WNK2: variants seen among roughly 807,000 people sequenced by gnomAD.
WNK2 encodes the protein WNK lysine deficient protein kinase 2.
A neutral mutation model predicts 192.1 loss-of-function variants in WNK2; 67 were observed. The observed-to-expected ratio is 0.35, with a 90% CI of 0.29 to 0.43. The LOEUF is 0.43. WNK2 is among the 20% of genes least tolerant of loss of function. The pLI, the probability that WNK2 is intolerant of heterozygous loss-of-function variation, is 1.00. For synonymous variants in WNK2, 1,439 were observed against 1,393.9 expected, an observed-to-expected ratio of 1.03 and a Z score of -0.72; for missense variants, 2,698 against 3,089.7, an observed-to-expected ratio of 0.87 and a Z score of 3.01.
At chr9:93,309,231 G>A (rs1047063528) in intron 28 of WNK2, 2 of 655,696 alleles carry the variant, frequency 3.1e-6, no homozygotes, top group Non-Finnish European at 3.8e-6. Flanking sequence ...ATTTTTTAGC[G>A]TGGGATACTT....
At position 93,299,019 on chromosome 9, in the gene WNK2, C is replaced by G. The variant is rs1851113211; in HGVS notation, c.5924-51C>G. 5.1e-6 allele frequency: 8 copies of G among 1,556,954 alleles called. No individual in the cohort carries two copies. The East Asian group carries it at 1.9e-4, about 36-fold the overall frequency. On this transcript the variant is annotated intron_variant, in intron 24 of 29. Transcript: ENST00000427277. Reference sequence around the variant, plus strand: ...CAGAACAGACTCAATCCACACGGCCCCGACCCGGCGGCGCCTCATCGTGCC... The same window carrying G: ...CAGAACAGACTCAATCCACACGGCCGCGACCCGGCGGCGCCTCATCGTGCC...
intron 29 of WNK2, chr9:93,318,024 C>A (rs1855052358): frequency 6.2e-7 from 1 of 1,612,766 alleles, no homozygotes; most frequent in African/African-American, 1.3e-5. Flanking sequence ...CTGTTCGCTC[C>A]TAGGTTCCTG....
In WNK2 at chr9:93,293,042, C is replaced by G; in HGVS notation, c.5577C>G (p.Ser1859Arg). Reference sequence around the variant, plus strand: ...GCTCGCTGGGCCCCGAGACACCCAGCAGGGTGGGCATGAAGGTCCCCACGA... The same window carrying G: ...GCTCGCTGGGCCCCGAGACACCCAGGAGGGTGGGCATGAAGGTCCCCACGA... ...RAGSLGPETP[S>R]RVGMKVPTIS... is the part of the protein sequence containing the mutation. The change falls in exon 23 of 30, where the codon AGC (serine) becomes AGG (arginine). Residue 1859 changes from serine to arginine, a missense_variant. Ser to Arg is a moderately radical substitution (Grantham distance 110). Around this residue, in one of 7 missense-constraint regions of WNK2, gnomAD observed 1,098 missense variants for 1,101.0 expected, o/e 1.00. Coordinates refer to ENST00000427277, the MANE Select transcript of WNK2 (RefSeq NM_006648.4). 1 of 1,609,734 alleles carries G rather than the reference C, an allele frequency of 6.2e-7. No individual in the cohort carries two copies. The highest frequency in any genetic ancestry group is 8.5e-7 in the Non-Finnish European group (1 of 1,178,248).
rs373888634 is a variant in WNK2, at chr9:93,222,232, G to T, written c.682-7464G>T. 1.2e-4 allele frequency among the ~76,000 whole-genome samples: 18 copies of T among 152,218 alleles called. 1 individual carries two copies. In the East Asian group the frequency reaches 2.7e-3, roughly 23 times the overall value. On this transcript the variant is annotated intron_variant, in intron 2 of 29. Transcript: ENST00000427277. Reference sequence around the variant, plus strand: ...GGCCCAGGCTGGAGTGCAGTGGCAGGATCTTGGCTCAGCTGCAACCTCTGC... The same window carrying T: ...GGCCCAGGCTGGAGTGCAGTGGCAGTATCTTGGCTCAGCTGCAACCTCTGC...
chr9:93,234,476 G>C (rs1839469446), intron 4 of WNK2, among the ~76,000 whole-genome samples: 1 of 152,348 alleles, frequency 6.6e-6, no homozygotes, highest in South Asian at 2.1e-4. Flanking sequence ...ACAGGCGAGG[G>C]CGTACTCAGG....
chr9:93,243,782 C>A (rs1008818352), intron 7 of WNK2, among the ~76,000 whole-genome samples: 3 of 152,182 alleles, frequency 2.0e-5, no homozygotes, highest in African/African-American at 7.2e-5. Context: ...CACCAGAGTC[C>A]GTCACTGGCC....
intron 19 of WNK2, among the ~76,000 whole-genome samples, chr9:93,285,549 A>G (rs1165138295): frequency 2.0e-5 from 3 of 152,234 alleles, no homozygotes; most frequent in Admixed American, 1.3e-4. Context: ...ACCAAAAACT[A>G]CAAAACATTG....
At chr9:93,219,159 C>G (rs953460872) in intron 2 of WNK2, among the ~76,000 whole-genome samples, 2 of 152,280 alleles carry the variant, frequency 1.3e-5, no homozygotes, top group African/African-American at 4.8e-5. Flanking sequence ...TCCCTCCAGC[C>G]TGATGGCAGG....
chr9:93,267,906 G>A lies in WNK2; in HGVS notation c.3857G>A (p.Gly1286Asp). The A allele has an allele frequency of 6.2e-7, 1 of 1,612,362 alleles. No individual in the cohort carries two copies. Among genetic ancestry groups the A allele is most frequent in the South Asian group, 1.1e-5 (1 of 90,724 alleles). The change falls in exon 17 of 30, where the codon GGC becomes GAC. Residue 1286 changes from glycine to aspartate, a missense_variant. Transcript: ENST00000427277. ...SPPHLSTCGL[G>D]TGEESRQSQA... is the part of the protein sequence containing the mutation. Reference sequence around the variant, plus strand: ...CCACACCTCAGCACCTGCGGCCTGGGCACCGGGGAGGTGAGGTTGTGAAAT... The same window carrying A: ...CCACACCTCAGCACCTGCGGCCTGGACACCGGGGAGGTGAGGTTGTGAAAT...
At chr9:93,206,097 C>A (rs1008343602) in intron 2 of WNK2, among the ~76,000 whole-genome samples, 3 of 152,210 alleles carry the variant, frequency 2.0e-5, no homozygotes, top group Non-Finnish European at 2.9e-5. Context: ...GAAACTGATG[C>A]TGCAGAGGGT....
intron 19 of WNK2, among the ~76,000 whole-genome samples, chr9:93,270,237 C>T (rs73527643): frequency 0.12 from 18,193 of 152,244 alleles, 1,186 homozygotes; most frequent in Middle Eastern, 0.15. Flanking sequence ...CTCATTAGGA[C>T]GGTCTTGGAG....
chr9:93,198,893 G>A (rs1280371045), intron 2 of WNK2, among the ~76,000 whole-genome samples: 2 of 152,198 alleles, frequency 1.3e-5, no homozygotes, highest in Admixed American at 1.3e-4. Context: ...CTGCAGTTGA[G>A]CTGGGCAGCT....
chr9:93,288,421 G>A (rs1054209891), intron 19 of WNK2, among the ~76,000 whole-genome samples: 1 of 152,250 alleles, frequency 6.6e-6, no homozygotes, highest in Non-Finnish European at 1.5e-5. Flanking sequence ...TCTTTCTGGA[G>A]CTGTCTGTGC....
At position 93,298,243 on chromosome 9, in the gene WNK2, C is replaced by G. The variant is rs192118644; in HGVS notation, c.5923+176C>G. Among the ~76,000 whole-genome samples, 3 of 152,320 alleles carry G rather than the reference C, an allele frequency of 2.0e-5. No individual in the cohort carries two copies. The East Asian group carries it at 5.8e-4, about 29-fold the overall frequency. ...GGAGTCATTGCAGCATGAAGGCAGC[C>G]CTGGTCCTCCGTCCTCATGCAGAGA... On this transcript the variant is annotated intron_variant, in intron 24 of 29. Transcript: ENST00000427277.
intron 2 of WNK2, among the ~76,000 whole-genome samples, chr9:93,198,028 T>A (rs1370017255): frequency 6.6e-6 from 1 of 152,172 alleles, no homozygotes; most frequent in Non-Finnish European, 1.5e-5. Context: ...GGTGCTGTGA[T>A]TCCCCCCTCA....
chr9:93,305,012 C>T (rs1852263905), intron 26 of WNK2, among the ~76,000 whole-genome samples: 1 of 152,196 alleles, frequency 6.6e-6, no homozygotes, highest in South Asian at 2.1e-4. Flanking sequence ...CCCCAGGTTC[C>T]CAGGACAGTG....
chr9:93,275,666 T>A (rs1410397241), intron 19 of WNK2, among the ~76,000 whole-genome samples: 1 of 152,192 alleles, frequency 6.6e-6, no homozygotes, highest in Non-Finnish European at 1.5e-5. Context: ...AATAAAACTA[T>A]CTTATTTGCA....
At chr9:93,255,529 C>T (rs1390465825) in intron 9 of WNK2, among the ~76,000 whole-genome samples, 5 of 152,182 alleles carry the variant, frequency 3.3e-5, no homozygotes, top group Admixed American at 1.3e-4. Context: ...AAGCACCCAC[C>T]GCGAAAGACA....
At chr9:93,263,187 G>T in intron 14 of WNK2, 1 of 397,750 alleles carries the variant, frequency 2.5e-6, no homozygotes, top group African/African-American at 2.0e-5. Context: ...GCTGGGCACT[G>T]CCTGGGCTTG....
Sources: gnomAD v4.1 joint callset for allele counts (sites outside exome capture counted in the v4.1 genomes callset) on GRCh38, gnomAD v4.1.1 for gene constraint, gnomAD v4.1.1 regional missense constraint, MANE v1.5 for transcripts, NCBI Gene and HGNC (gene_info 2026-07-23, HGNC 2026-07-21) for gene names.